Variants in OSBPL9 observed in about 807,000 individuals in gnomAD.
OSBPL9 encodes the protein oxysterol-binding protein-related protein 9.
In OSBPL9, 40 loss-of-function variants were observed where a neutral mutation model predicts 106.6. That is an observed-to-expected ratio of 0.38 (90% CI 0.29 to 0.49). OSBPL9 has a LOEUF of 0.49. Among genes scored for constraint, OSBPL9 ranks in the 20% least tolerant of loss-of-function variants. OSBPL9 has a pLI of 0.97. For synonymous variants in OSBPL9, 269 were observed against 295.4 expected (o/e 0.91, Z 0.92); for missense variants, 609 against 887.2 (o/e 0.69, Z 3.98).
At chr1:51,541,702 G>C in the OSBPL9 span, among the ~76,000 whole-genome samples, 6 of 152,174 alleles carry the variant, frequency 3.9e-5, no homozygotes, top group Non-Finnish European at 7.3e-5. Context: ...CAGGCTTGGT[G>C]ACTGATATTT....
At chr1:51,697,438 T>G (rs946090401) in intron 3 of OSBPL9, among the ~76,000 whole-genome samples, 3 of 150,308 alleles carry the variant, frequency 2.0e-5, no homozygotes, top group Non-Finnish European at 3.0e-5. Context: ...GAGGCCTTCC[T>G]GATTATAGGG....
chr1:51,596,938 C>T (rs184621239), intron 1 of OSBPL9, among the ~76,000 whole-genome samples: 153 of 152,198 alleles, frequency 1.0e-3, no homozygotes, highest in Middle Eastern at 6.8e-3. Context: ...ATAAAGGAAG[C>T]AATAAAACAA....
chr1:51,628,563 G>A (rs898504569), intron 1 of OSBPL9, among the ~76,000 whole-genome samples: 13 of 151,130 alleles, frequency 8.6e-5, no homozygotes, highest in Admixed American at 7.2e-4. Flanking sequence ...CAGCCTGGGC[G>A]ACAGAGCAAG....
the OSBPL9 span, among the ~76,000 whole-genome samples, chr1:51,522,430 A>G: frequency 6.6e-6 from 1 of 152,170 alleles, no homozygotes. Flanking sequence ...AGATGGGAGC[A>G]TGTCTATAGG....
At chr1:51,621,046 AC>A (rs1283348596) in intron 1 of OSBPL9, among the ~76,000 whole-genome samples, 1 of 152,178 alleles carries the variant, frequency 6.6e-6, no homozygotes, top group Non-Finnish European at 1.5e-5. Context: ...AAAATTTTTA[AC>A]ATTCATAAAA....
At chr1:51,754,076 T>A (rs949307703) in intron 8 of OSBPL9, among the ~76,000 whole-genome samples, 2 of 152,058 alleles carry the variant, frequency 1.3e-5, no homozygotes, top group Admixed American at 1.3e-4. Flanking sequence ...GCAGTGGAGC[T>A]GGGGAGTAAG....
Position 51,660,948 on chromosome 1 carries a change from ATTC to A in OSBPL9, c.163-8481_163-8479del, listed in dbSNP as rs201760154. Among the ~76,000 whole-genome samples, 865 of 152,302 alleles carry A rather than the reference ATTC, an allele frequency of 5.7e-3. 2 individuals are homozygous for A. The highest frequency in any genetic ancestry group is 0.02 in the African/African-American group (819 of 41,576). ...TGGATCAGGGTTTGCAAGACCTAGT[ATTC>A]TTCTCCCTTTTAGTTGTTGGACTTT... On this transcript the variant is annotated intron_variant, in intron 2 of 23. Coordinates refer to ENST00000428468, the MANE Select transcript of OSBPL9 (RefSeq NM_024586.6).
At chr1:51,587,018 G>A (rs1377894839) in intron 1 of OSBPL9, among the ~76,000 whole-genome samples, 1 of 152,110 alleles carries the variant, frequency 6.6e-6, no homozygotes, top group Non-Finnish European at 1.5e-5. Flanking sequence ...TTCTACTCCA[G>A]GTTAGCCATT....
chr1:51,535,799 A>AC, the OSBPL9 span, among the ~76,000 whole-genome samples: 33 of 151,130 alleles, frequency 2.2e-4, no homozygotes, highest in African/African-American at 6.6e-4. Flanking sequence ...TCAAATGTTA[A>AC]CCCCCCACCC....
At chr1:51,592,634 G>A (rs1425713367) in intron 1 of OSBPL9, among the ~76,000 whole-genome samples, 1 of 152,148 alleles carries the variant, frequency 6.6e-6, no homozygotes, top group Non-Finnish European at 1.5e-5. Context: ...GGGAAGCCTA[G>A]GCAAGTCTTC....
intron 3 of OSBPL9, among the ~76,000 whole-genome samples, chr1:51,683,336 A>G (rs769656169): frequency 2.6e-5 from 4 of 151,544 alleles, no homozygotes; most frequent in African/African-American, 4.9e-5. Context: ...ATGCACCACT[A>G]TGCCCAGCTA....
intron 2 of OSBPL9, among the ~76,000 whole-genome samples, chr1:51,605,983 AAGAGAGCGAGAGAG>A: frequency 6.8e-6 from 1 of 147,118 alleles, no homozygotes; most frequent in Non-Finnish European, 1.5e-5. Context: ...GAAACAAAGA[AAGAGAGCGAGAGAG>A]AGAGAGAGAG....
intron 1 of OSBPL9, chr1:51,582,805 C>G (rs145480258): frequency 1.3e-5 from 2 of 151,890 alleles, no homozygotes; most frequent in Non-Finnish European, 2.9e-5. Context: ...ATCAAAGGGC[C>G]GGGTGCAGTG....
At chr1:51,557,815 T>A in the OSBPL9 span, among the ~76,000 whole-genome samples, 74 of 152,288 alleles carry the variant, frequency 4.9e-4, no homozygotes, top group African/African-American at 1.6e-3. Context: ...GATATCAATG[T>A]GCTTTGTATT....
chr1:51,531,585 T>C, the OSBPL9 span, among the ~76,000 whole-genome samples: 1 of 152,170 alleles, frequency 6.6e-6, no homozygotes, highest in African/African-American at 2.4e-5. Flanking sequence ...TTTACTGAGA[T>C]GAGTAAGACT....
chr1:51,588,853 A>G lies in OSBPL9; in HGVS notation c.-422-9271A>G, dbSNP rs575906567. On this transcript the variant is annotated intron_variant, in intron 1 of 25. Transcript: ENST00000371714. Reference sequence around the variant, plus strand: ...GTCAACAAAAAATTATTGAGCACCTACTATGTGCCTGATCCAGGCACTTTT... The same window carrying G: ...GTCAACAAAAAATTATTGAGCACCTGCTATGTGCCTGATCCAGGCACTTTT... Among the ~76,000 whole-genome samples the G allele has an allele frequency of 5.3e-5, 8 of 152,282 alleles. No individual in the cohort carries two copies. The South Asian group carries it at 1.7e-3, about 32-fold the overall frequency.
the OSBPL9 span, among the ~76,000 whole-genome samples, chr1:51,560,454 G>T: frequency 6.6e-6 from 1 of 152,210 alleles, no homozygotes; most frequent in Non-Finnish European, 1.5e-5. Context: ...ATTTGGGGAG[G>T]TAATGTAGGT....
chr1:51,526,530 A>G, the OSBPL9 span, among the ~76,000 whole-genome samples: 26 of 152,262 alleles, frequency 1.7e-4, no homozygotes, highest in South Asian at 5.0e-3. Context: ...GAGAGAACCT[A>G]GTTCAGTATC....
the OSBPL9 span, among the ~76,000 whole-genome samples, chr1:51,544,378 C>T: frequency 6.6e-6 from 1 of 151,910 alleles, no homozygotes; most frequent in Non-Finnish European, 1.5e-5. Flanking sequence ...TGGACATATA[C>T]CATTTTACGA....
Sources: allele counts gnomAD v4.1 joint callset (sites outside exome capture counted in the v4.1 genomes callset), GRCh38; gene constraint gnomAD v4.1.1; transcripts MANE v1.5; gene names NCBI Gene and HGNC (gene_info 2026-07-23, HGNC 2026-07-21).